Variants in MACROD2 observed in about 807,000 individuals in gnomAD.
MACROD2 encodes ADP-ribose glycohydrolase MACROD2.
Under a neutral mutation model 70.4 loss-of-function variants are expected in MACROD2, and 36 were observed. The observed-to-expected ratio is 0.51, with a 90% CI of 0.39 to 0.68. The LOEUF is 0.68. Ranked by LOEUF, MACROD2 falls within the 30% of genes least tolerant of loss-of-function variation. The pLI is 0.00. For synonymous variants in MACROD2, 172 were observed against 178.8 expected, an observed-to-expected ratio of 0.96 and a Z score of 0.30; for missense variants, 496 against 538.4, an observed-to-expected ratio of 0.92 and a Z score of 0.78.
chr20:14,028,487 G>A (rs941039204), intron 2 of MACROD2, among the ~76,000 whole-genome samples: 2 of 152,174 alleles, frequency 1.3e-5, no homozygotes, highest in Non-Finnish European at 2.9e-5. Context: ...AACTCCTGCA[G>A]CTAGCTCGGT....
At chr20:15,260,901 T>A (rs2077243714) in intron 6 of MACROD2, among the ~76,000 whole-genome samples, 1 of 152,066 alleles carries the variant, frequency 6.6e-6, no homozygotes, top group Non-Finnish European at 1.5e-5. Flanking sequence ...CATTAAGAAA[T>A]GTTTATTAAT....
chr20:15,799,218 G>A (rs1459560484), intron 8 of MACROD2, among the ~76,000 whole-genome samples: 2 of 152,130 alleles, frequency 1.3e-5, no homozygotes, highest in Non-Finnish European at 2.9e-5. Flanking sequence ...TATTTATAGG[G>A]TACCTGTGAT....
At chr20:14,926,417 G>T (rs1964912) in intron 5 of MACROD2, among the ~76,000 whole-genome samples, 21,814 of 151,830 alleles carry the variant, frequency 0.14, 1,720 homozygotes, top group South Asian at 0.19. Context: ...GGGTATGGTG[G>T]TGCGTGCCTG....
chr20:15,216,338 CAAAATTA>C (rs2076809811), intron 5 of MACROD2, among the ~76,000 whole-genome samples: 1 of 150,838 alleles, frequency 6.6e-6, no homozygotes, highest in Admixed American at 6.6e-5. Context: ...TATGTACCCA[CAAAATTA>C]AAAATTAAAA....
intron 5 of MACROD2, among the ~76,000 whole-genome samples, chr20:15,218,264 C>T (rs1449098387): frequency 6.6e-6 from 1 of 152,152 alleles, no homozygotes; most frequent in African/African-American, 2.4e-5. Context: ...CACTTAGAGT[C>T]AAGCTCCTTG....
chr20:14,713,169 A>T (rs916734847), intron 5 of MACROD2, among the ~76,000 whole-genome samples: 1 of 152,116 alleles, frequency 6.6e-6, no homozygotes, highest in Non-Finnish European at 1.5e-5. Flanking sequence ...CTTAGAGTAG[A>T]GGTAATTGGA....
intron 6 of MACROD2, among the ~76,000 whole-genome samples, chr20:15,312,237 C>T (rs1021594298): frequency 6.6e-6 from 1 of 152,178 alleles, no homozygotes; most frequent in African/African-American, 2.4e-5. Flanking sequence ...TGCACACTCA[C>T]ACTTTTGAGA....
At chr20:14,338,643 G>A (rs965888154) in intron 3 of MACROD2, among the ~76,000 whole-genome samples, 1 of 152,052 alleles carries the variant, frequency 6.6e-6, no homozygotes, top group Non-Finnish European at 1.5e-5. Flanking sequence ...TGTTTTTGCT[G>A]ATCTGAGCAT....
intron 6 of MACROD2, among the ~76,000 whole-genome samples, chr20:15,343,281 C>G (rs928347110): frequency 1.3e-5 from 2 of 152,152 alleles, no homozygotes; most frequent in African/African-American, 2.4e-5. Flanking sequence ...ACTTTAAACC[C>G]TTTTCTAACC....
rs146785564 is a variant in MACROD2, at chr20:14,870,608, AT to A, written c.418+185659del. On this transcript the variant is annotated intron_variant, in intron 5 of 17. Coordinates refer to ENST00000684519, the MANE Select transcript of MACROD2 (RefSeq NM_001351661.2). ...CTCCTCAACCTCACCAGGACCTATT[AT>A]TTTTTTTTTGACTTTTTAATAATGT... Among the ~76,000 whole-genome samples, 1,350 of 148,966 alleles carry A rather than the reference AT, an allele frequency of 9.1e-3. 15 individuals are homozygous for A. Among genetic ancestry groups the A allele is most frequent in the African/African-American group, 0.031 (1,260 of 40,730 alleles).
intron 3 of MACROD2, among the ~76,000 whole-genome samples, chr20:14,188,496 T>C (rs930306563): frequency 6.6e-6 from 1 of 152,280 alleles, no homozygotes; most frequent in South Asian, 2.1e-4. Flanking sequence ...ATTCTGTATA[T>C]GAAATAGTTT....
At chr20:15,135,084 C>A (rs1007723929) in intron 5 of MACROD2, among the ~76,000 whole-genome samples, 1 of 151,964 alleles carries the variant, frequency 6.6e-6, no homozygotes, top group Non-Finnish European at 1.5e-5. Context: ...AACTTACCAA[C>A]CAAAAAGAGT....
At chr20:14,106,709 G>T (rs1327655105) in intron 3 of MACROD2, among the ~76,000 whole-genome samples, 1 of 152,154 alleles carries the variant, frequency 6.6e-6, no homozygotes, top group Non-Finnish European at 1.5e-5. Context: ...TATACCCTCA[G>T]TTCCAGGTGG....
chr20:15,395,358 G>A (rs1435717247), intron 6 of MACROD2, among the ~76,000 whole-genome samples: 1 of 151,906 alleles, frequency 6.6e-6, no homozygotes, highest in East Asian at 1.9e-4. Flanking sequence ...CATTTCTTTT[G>A]TCCTAAAACA....
chr20:14,468,215 A>C (rs138011805), intron 3 of MACROD2, among the ~76,000 whole-genome samples: 1 of 151,930 alleles, frequency 6.6e-6, no homozygotes, highest in African/African-American at 2.4e-5. Context: ...TGGGGTGTTA[A>C]ATTCATCCAC....
At chr20:14,052,466 C>A (rs910801134) in intron 2 of MACROD2, among the ~76,000 whole-genome samples, 1 of 152,078 alleles carries the variant, frequency 6.6e-6, no homozygotes, top group Non-Finnish European at 1.5e-5. Context: ...TTGATGATCT[C>A]TTCTTTGGTT....
At chr20:14,610,898 T>C (rs1360100814) in intron 4 of MACROD2, among the ~76,000 whole-genome samples, 2 of 152,154 alleles carry the variant, frequency 1.3e-5, no homozygotes, top group African/African-American at 4.8e-5. Flanking sequence ...GCTTGGTTTA[T>C]AATTCAAGCA....
At chr20:15,717,648 A>T (rs1485847540) in intron 8 of MACROD2, among the ~76,000 whole-genome samples, 1 of 152,164 alleles carries the variant, frequency 6.6e-6, no homozygotes, top group Non-Finnish European at 1.5e-5. Flanking sequence ...ATTTAGAAGG[A>T]GCAGGCCAGG....
chr20:15,865,355 TTAA>T (rs1267825888), intron 9 of MACROD2, among the ~76,000 whole-genome samples: 2 of 151,628 alleles, frequency 1.3e-5, no homozygotes, highest in African/African-American at 4.8e-5. Flanking sequence ...ATAATAATGA[TTAA>T]TAATAATCAT....
Sources: gnomAD v4.1 joint callset for allele counts (sites outside exome capture counted in the v4.1 genomes callset) on GRCh38, gnomAD v4.1.1 for gene constraint, MANE v1.5 for transcripts, NCBI Gene and HGNC (gene_info 2026-07-23, HGNC 2026-07-21) for gene names.